ZNF655: variants seen among roughly 807,000 people sequenced by gnomAD.
ZNF655 encodes zinc finger protein 655, also known as Vav-interacting Kruppel-like protein 1.
Under a neutral mutation model 6.6 loss-of-function variants are expected in ZNF655, and 3 were observed. That is an observed-to-expected ratio of 0.46 (90% CI 0.21 to 1.18). ZNF655 has a LOEUF of 1.18. Among genes scored for constraint, ZNF655 ranks in the 50% most tolerant of loss-of-function variants. The pLI, the probability that ZNF655 is intolerant of heterozygous loss-of-function variation, is 0.24. For missense variants in ZNF655, 526 were observed against 572.3 expected, an observed-to-expected ratio of 0.92 and a Z score of 0.83; for synonymous variants, 178 against 195.0, an observed-to-expected ratio of 0.91 and a Z score of 0.73.
chr7:99,567,251 C>T (rs1340404001), intron 2 of ZNF655, among the ~76,000 whole-genome samples: 1 of 152,166 alleles, frequency 6.6e-6, no homozygotes, highest in Non-Finnish European at 1.5e-5. Flanking sequence ...AGCATAGAGT[C>T]GGCCAGGTGC....
intron 2 of ZNF655, chr7:99,561,900 CT>C (rs778640473): frequency 1.3e-6 from 2 of 1,574,748 alleles, no homozygotes; most frequent in East Asian, 4.7e-5. Flanking sequence ...CCACCTGTTC[CT>C]CAGGTGCCTG....
rs370452982 is a variant in ZNF655 at position 99,572,608 on chromosome 7, A to C, written c.500A>C (p.Asn167Thr). ...AATGATAAGTATGACATGAGCTTCA[A>C]CCAGAATTCAGCCTCTGGTAAACAT... The part of the protein sequence containing the change: ...DDNDKYDMSF[N>T]QNSASGKHEH... The change falls in exon 3 of 3, where the codon AAC becomes ACC. Residue 167 changes from asparagine to threonine, a missense_variant. Physicochemically the swap from Asn to Thr is moderately conservative, Grantham distance 65. Transcript: ENST00000252713. The C allele has an allele frequency of 2.6e-5, 42 of 1,613,574 alleles. No homozygotes were observed. Among genetic ancestry groups the C allele is most frequent in the Non-Finnish European group, 3.1e-5 (37 of 1,179,888 alleles).
chr7:99,560,069 ATTTC>A (rs1802983131), intron 1 of ZNF655, among the ~76,000 whole-genome samples: 1 of 147,828 alleles, frequency 6.8e-6, no homozygotes, highest in Non-Finnish European at 1.5e-5. Flanking sequence ...GCATATCCAT[ATTTC>A]TTTTTCTTTT....
chr7:99,563,234 G>T (rs891154554), intron 2 of ZNF655: 2 of 442,408 alleles, frequency 4.5e-6, no homozygotes, highest in Non-Finnish European at 9.1e-6. Flanking sequence ...CTGCTGGGAA[G>T]CATCAGTGGG....
chr7:99,563,433 C>T (rs1000829527), intron 2 of ZNF655, among the ~76,000 whole-genome samples: 1 of 152,192 alleles, frequency 6.6e-6, no homozygotes, highest in African/African-American at 2.4e-5. Context: ...ATTCTCCTGC[C>T]TCAGCCTCCC....
At chr7:99,566,139 CTG>C (rs1317343329) in intron 2 of ZNF655, among the ~76,000 whole-genome samples, 1 of 152,072 alleles carries the variant, frequency 6.6e-6, no homozygotes, top group African/African-American at 2.4e-5. Flanking sequence ...TCTGAGGAAA[CTG>C]AGGCTCAGAG....
intron 2 of ZNF655, among the ~76,000 whole-genome samples, chr7:99,562,932 G>A (rs755816839): frequency 7.9e-5 from 12 of 152,088 alleles, no homozygotes; most frequent in African/African-American, 1.7e-4. Context: ...AAGAAATGCC[G>A]TTTATTTAAA....
intron 2 of ZNF655, chr7:99,562,353 GATGT>G: frequency 6.2e-7 from 1 of 1,613,788 alleles, no homozygotes; most frequent in African/African-American, 1.3e-5. Context: ...GAGCAGCCAG[GATGT>G]GTTATTTCAG....
rs372465189 is a variant in ZNF655, at chr7:99,573,542, T to C, written c.1434T>C (p.His478=). The change falls in exon 3 of 3, where the codon CAT becomes CAC. Residue 478 remains histidine, a synonymous_variant. Transcript: ENST00000252713. The part of the protein sequence containing the change: ...VWEKNSSQRA[H]LVQHQSIHTK... ...AAAAGAACTCCAGTCAGAGAGCACA[T>C]CTAGTTCAACATCAGAGCATTCATA... 4 of 1,608,106 alleles carry C rather than the reference T, an allele frequency of 2.5e-6. No individual in the cohort carries two copies. The highest frequency in any genetic ancestry group is 3.4e-6 in the Non-Finnish European group (4 of 1,179,898).
intron 2 of ZNF655, among the ~76,000 whole-genome samples, chr7:99,563,615 G>C (rs1472094493): frequency 6.6e-6 from 1 of 151,962 alleles, no homozygotes; most frequent in Middle Eastern, 3.2e-3. Context: ...ACCGCACCCA[G>C]CCTCCTTTTT....
chr7:99,564,446 G>GCCCT (rs1418871252), intron 2 of ZNF655: 1 of 1,010,840 alleles, frequency 9.9e-7, no homozygotes, highest in African/African-American at 1.7e-5. Context: ...AGTCCCTGTG[G>GCCCT]CCCTCTTCAA....
chr7:99,561,808 C>G, intron 2 of ZNF655: 1 of 884,438 alleles, frequency 1.1e-6, no homozygotes, highest in Non-Finnish European at 1.6e-6. Flanking sequence ...GCTGACACCC[C>G]TTGGGCTGGA....
intron 2 of ZNF655, chr7:99,562,151 G>C: frequency 1.3e-6 from 1 of 755,494 alleles, no homozygotes; most frequent in Non-Finnish European, 2.1e-6. Flanking sequence ...CATCTCCCCA[G>C]TGCCATGAGC....
intron 2 of ZNF655, among the ~76,000 whole-genome samples, chr7:99,569,500 G>C (rs1263402504): frequency 6.6e-6 from 1 of 152,050 alleles, no homozygotes; most frequent in Non-Finnish European, 1.5e-5. Context: ...TAAAGGCTAG[G>C]TTCTGAAATA....
chr7:99,568,538 C>T (rs1254375656), intron 2 of ZNF655, among the ~76,000 whole-genome samples: 2 of 152,272 alleles, frequency 1.3e-5, no homozygotes, highest in African/African-American at 2.4e-5. Context: ...GCGCGAGCCA[C>T]CGTGCCTGGC....
At chr7:99,563,826 AGT>A (rs1803407475) in intron 2 of ZNF655, 4 of 1,583,106 alleles carry the variant, frequency 2.5e-6, no homozygotes, top group Admixed American at 3.8e-5. Flanking sequence ...GACGGTTTTT[AGT>A]GTGTTTTCCA....
Position 99,572,878 on chromosome 7 carries a change from G to A in ZNF655, c.770G>A (p.Arg257Gln), listed in dbSNP as rs371805195. 8.1e-6 allele frequency: 13 copies of A among 1,613,916 alleles called. No homozygotes were observed. The highest frequency in any genetic ancestry group is 1.3e-5 in the African/African-American group (1 of 74,900). Residue 257 changes from arginine to glutamine, a missense_variant, in exon 3 of 3, where the codon CGA (arginine) becomes CAA (glutamine). Coordinates refer to ENST00000252713, the MANE Select transcript of ZNF655 (RefSeq NM_138494.3). ...TTCAGTCAGAGCTCAAGTCTTAGTC[G>A]ACATAAAAGAATACACACTAGAGAA... is the stretch of plus-strand genomic sequence containing the variant. ...KSFSQSSSLS[R>Q]HKRIHTREKP...
chr7:99,560,368 G>T (rs1207575505), intron 1 of ZNF655, 165 bp from the exon 2 acceptor site: 1 of 587,068 alleles, frequency 1.7e-6, no homozygotes, highest in African/African-American at 1.9e-5. Flanking sequence ...ACAGGCCACT[G>T]CGCCTGGCCC....
intron 2 of ZNF655, 32 bp downstream of exon 2, chr7:99,560,727 A>G (rs1803074717): frequency 1.9e-6 from 3 of 1,608,994 alleles, no homozygotes; most frequent in African/African-American, 1.3e-5. Context: ...CGTCTGGGAG[A>G]GTGGGAGTGC....
Sources: gnomAD v4.1 joint callset for allele counts (sites outside exome capture counted in the v4.1 genomes callset) on GRCh38, gnomAD v4.1.1 for gene constraint, MANE v1.5 for transcripts, NCBI Gene and HGNC (gene_info 2026-07-23, HGNC 2026-07-21) for gene names.